Variants in PWWP2A observed in about 807,000 individuals in gnomAD.
The protein encoded by PWWP2A is PWWP domain-containing protein 2A.
A neutral mutation model predicts 48.5 loss-of-function variants in PWWP2A; 18 were observed. That is an observed-to-expected ratio of 0.37 (90% CI 0.26 to 0.55). The LOEUF (loss-of-function observed/expected upper bound fraction) is 0.55. PWWP2A is among the 20% of genes least tolerant of loss of function. The pLI, the probability that PWWP2A is intolerant of heterozygous loss-of-function variation, is 0.81. For synonymous variants in PWWP2A, 396 were observed against 387.7 expected (o/e 1.02, Z -0.25); for missense variants, 867 against 976.4 (o/e 0.89, Z 1.49).
intron 1 of PWWP2A, among the ~76,000 whole-genome samples, chr5:160,114,257 G>A (rs920659609): frequency 5.9e-5 from 9 of 152,092 alleles, no homozygotes; most frequent in Admixed American, 1.3e-4. Flanking sequence ...CAGACCTGGC[G>A]CGGTGGCTCA....
chr5:160,045,520 ACTCTCTCTCT>A, the PWWP2A span, among the ~76,000 whole-genome samples: 422 of 54,896 alleles, frequency 7.7e-3, 7 homozygotes, highest in South Asian at 0.031. Flanking sequence ...ACACATACAC[ACTCTCTCTCT>A]CTCTCTCTCT....
At chr5:160,073,708 T>G (rs1166161810), downstream of PWWP2A, among the ~76,000 whole-genome samples, 1 of 152,092 alleles carries the variant, frequency 6.6e-6, no homozygotes, top group African/African-American at 2.4e-5. Flanking sequence ...TGAATCATAC[T>G]CTCCTTTACC....
At position 160,119,403 on chromosome 5, in the gene PWWP2A, C is replaced by G; in HGVS notation, c.-15G>C. ...ACGGCCGCCATTTTCTTCCTAGCTT[C>G]TCCCTCCTCCAACTCCGGCTGCAGC... On this transcript the variant is annotated 5_prime_UTR_variant, in exon 1 of 2. Coordinates refer to ENST00000307063, the MANE Select transcript of PWWP2A (RefSeq NM_001130864.2). The G allele has an allele frequency of 7.3e-7, 1 of 1,361,162 alleles. No homozygotes were observed. The highest frequency in any genetic ancestry group is 1.5e-5 in the African/African-American group (1 of 65,014). 84.3% of individuals were successfully genotyped at this position (1,361,162 alleles called of 1,614,324 possible).
At chr5:160,044,800 A>C in the PWWP2A span, among the ~76,000 whole-genome samples, 5 of 152,308 alleles carry the variant, frequency 3.3e-5, no homozygotes, top group African/African-American at 1.2e-4. Context: ...GCAGCCCAGT[A>C]GGTCTCAGCC....
At chr5:160,069,098 G>C (rs1355854335) in intron 2 of PWWP2A, among the ~76,000 whole-genome samples, 1 of 152,038 alleles carries the variant, frequency 6.6e-6, no homozygotes, top group Non-Finnish European at 1.5e-5. Context: ...TTCGAGACCA[G>C]CCTGAGCAAT....
At chr5:160,067,023 G>A (rs1422219532) in intron 2 of PWWP2A, among the ~76,000 whole-genome samples, 1 of 152,178 alleles carries the variant, frequency 6.6e-6, no homozygotes, top group Admixed American at 6.5e-5. Context: ...CTGGGTGACA[G>A]CGAGACCTTG....
chr5:160,063,390 A>G (rs1367352759), intron 5 of PWWP2A, among the ~76,000 whole-genome samples: 2 of 151,988 alleles, frequency 1.3e-5, no homozygotes, highest in Non-Finnish European at 2.9e-5. Context: ...TAATTTTTAA[A>G]TTTTTGTAGA....
chr5:160,066,736 A>G (rs1487857601), intron 3 of PWWP2A: 2 of 152,166 alleles, frequency 1.3e-5, no homozygotes, highest in South Asian at 4.1e-4. Context: ...TCCTGTTACT[A>G]TAAATACTTT....
At chr5:160,113,471 CAA>C (rs781412225) in intron 1 of PWWP2A, among the ~76,000 whole-genome samples, 1 of 152,180 alleles carries the variant, frequency 6.6e-6, no homozygotes, top group African/African-American at 2.4e-5. Flanking sequence ...TCCAATTTTA[CAA>C]AGACATTTCT....
intron 1 of PWWP2A, among the ~76,000 whole-genome samples, chr5:160,106,508 TA>T (rs1284892714): frequency 4.0e-5 from 6 of 151,532 alleles, no homozygotes; most frequent in Admixed American, 3.3e-4. Flanking sequence ...CAGGAAAAAA[TA>T]AACAAAAATT....
At chr5:160,089,598 T>C (rs1440363458), downstream of PWWP2A, 7 of 1,288,760 alleles carry the variant, frequency 5.4e-6, no homozygotes, top group Middle Eastern at 2.1e-4. Flanking sequence ...GTCAGCTTCC[T>C]GGTCTATAAA....
In PWWP2A at chr5:160,119,235, C is replaced by A; in HGVS notation, c.154G>T (p.Gly52Cys). 1 of 1,430,608 alleles carries A rather than the reference C, an allele frequency of 7.0e-7. No homozygotes were observed. The highest frequency in any genetic ancestry group is 2.8e-5 in the East Asian group (1 of 35,252). The allele number at this position is 1,430,608 out of a possible 1,614,324, so 88.6% of individuals were successfully genotyped here. ...GCGGATTGCTGCCCGTCAGTCTCGC[C>A]ATCCGGCACAGACGCTTCAGTGGCC... ...VTATEASVPDGETDGQQSAPQ... is the reference protein window; with the variant it reads ...VTATEASVPDCETDGQQSAPQ... Residue 52 changes from glycine (G) to cysteine (C), a missense_variant, in exon 1 of 2, where the codon GGC becomes TGC. This residue lies in a region of PWWP2A where 385 missense variants were observed against 396.9 expected (regional missense o/e 0.97). Coordinates refer to ENST00000307063, the MANE Select transcript of PWWP2A (RefSeq NM_001130864.2).
At chr5:160,115,903 G>A (rs190271372) in intron 1 of PWWP2A, among the ~76,000 whole-genome samples, 5 of 151,866 alleles carry the variant, frequency 3.3e-5, no homozygotes, top group Admixed American at 2.6e-4. Flanking sequence ...AAACTGCACA[G>A]GAAAGTGTGC....
chr5:160,077,909 C>T lies in PWWP2A; in HGVS notation c.*246G>A. 2.2e-6 allele frequency: 1 copy of T among 459,970 alleles called. No homozygotes were observed. Among genetic ancestry groups the T allele is most frequent in the South Asian group, 3.4e-5 (1 of 29,828 alleles). The allele number at this position is 459,970 out of a possible 1,614,324, so 28.5% of individuals were successfully genotyped here. On this transcript the variant is annotated 3_prime_UTR_variant, in exon 4 of 4. Transcript: ENST00000456329. This position sits in a 1 kb window ranked among gnomAD's most constrained non-coding sequence, Gnocchi z 4.2. ...AGTGAGTTCTTACGTGTGTAATTCA[C>T]ATCATTTTTCTCCTCATCTCATGCA...
intron 2 of PWWP2A, among the ~76,000 whole-genome samples, chr5:160,086,283 T>A (rs946030795): frequency 2.0e-5 from 3 of 152,016 alleles, no homozygotes; most frequent in African/African-American, 7.3e-5. Flanking sequence ...TTTGGGAGGC[T>A]GAGGCAGAAG....
chr5:160,088,355 C>T (rs1379899378), downstream of PWWP2A, among the ~76,000 whole-genome samples: 8 of 152,198 alleles, frequency 5.3e-5, no homozygotes, highest in Non-Finnish European at 8.8e-5. Flanking sequence ...GACTCAGCCT[C>T]TCGAGTAGCT....
chr5:160,098,679 T>C (rs1351652914), intron 1 of PWWP2A, among the ~76,000 whole-genome samples: 1 of 152,232 alleles, frequency 6.6e-6, no homozygotes, highest in East Asian at 1.9e-4. Flanking sequence ...TAGGCTAAAA[T>C]GTTTGAGAAC....
chr5:160,069,134 A>C (rs1753683506), intron 2 of PWWP2A, among the ~76,000 whole-genome samples: 1 of 152,046 alleles, frequency 6.6e-6, no homozygotes, highest in African/African-American at 2.4e-5. Flanking sequence ...CTCTACAAAA[A>C]ACTACTTGGG....
At chr5:160,116,544 T>TGAA (rs1758162191) in intron 1 of PWWP2A, 2 of 254,530 alleles carry the variant, frequency 7.9e-6, no homozygotes, top group South Asian at 3.0e-4. Context: ...TAGGAATAGC[T>TGAA]CCTCCAACAA....
Sources: allele counts gnomAD v4.1 joint callset (sites outside exome capture counted in the v4.1 genomes callset), GRCh38; gene constraint gnomAD v4.1.1; regional missense constraint gnomAD v4.1.1; non-coding constraint Gnocchi (gnomAD v3.1); transcripts MANE v1.5; gene names NCBI Gene and HGNC (gene_info 2026-07-23, HGNC 2026-07-21).